The following CERS1 variants were observed in gnomAD, a reference collection of about 807,000 sequenced individuals.
The protein encoded by CERS1 is ceramide synthase 1.
In CERS1, 16 loss-of-function variants were observed where a neutral mutation model predicts 35.7. The observed-to-expected ratio is 0.45, with a 90% CI of 0.30 to 0.68. CERS1 has a LOEUF of 0.68. Among genes scored for constraint, CERS1 ranks in the 30% least tolerant of loss-of-function variants. The pLI, the probability that CERS1 is intolerant of heterozygous loss-of-function variation, is 0.08. For synonymous variants in CERS1, 243 were observed against 201.6 expected (o/e 1.21, Z -1.74); for missense variants, 454 against 453.9 (o/e 1.00, Z 0.00).
chr19:18,895,965 G>A lies in CERS1; in HGVS notation c.108C>T (p.Gly36=), dbSNP rs2056616600. 2 of 1,068,230 alleles carry A rather than the reference G, an allele frequency of 1.9e-6. No individual in the cohort carries two copies. The highest frequency in any genetic ancestry group is 2.3e-6 in the Non-Finnish European group (2 of 883,256). 66.2% of individuals were successfully genotyped at this position (1,068,230 alleles called of 1,614,324 possible). A position where few individuals can be genotyped will look rare whatever the true frequency, so the allele number is the denominator to read the frequency against. Residue 36 remains glycine (G), a synonymous_variant, in exon 1 of 8, where the codon GGC becomes GGT. Transcript: ENST00000623882. This position sits in a 1 kb window ranked among gnomAD's most constrained non-coding sequence, Gnocchi z 6.4. Reference sequence around the variant, plus strand: ...CCAGCCCCCAGCCGCAGTCCGTGCAGCCCCGCGCCGCCGCCAGCGCGCTGC... The same window carrying A: ...CCAGCCCCCAGCCGCAGTCCGTGCAACCCCGCGCCGCCGCCAGCGCGCTGC... ...GWGSALAAAR[G]CTDCGWGLAR...
intron 2 of CERS1, among the ~76,000 whole-genome samples, chr19:18,892,819 T>C (rs2056525260): frequency 6.6e-6 from 1 of 151,986 alleles, no homozygotes. Flanking sequence ...GATACCCCCT[T>C]TCCTGTCCCC....
In CERS1 at chr19:18,880,386, C is replaced by T. The variant is rs762521568; in HGVS notation, c.640G>A (p.Val214Met). 3 of 1,582,994 alleles carry T rather than the reference C, an allele frequency of 1.9e-6. No individual in the cohort carries two copies. Among genetic ancestry groups the T allele is most frequent in the Admixed American group, 1.8e-5 (1 of 55,088 alleles). The change falls in exon 4 of 8, where the codon GTG (valine) becomes ATG (methionine). Residue 214 changes from valine to methionine, a missense_variant. Coordinates refer to ENST00000623882, the MANE Select transcript of CERS1 (RefSeq NM_021267.5). The part of the protein sequence containing the change: ...LVLFLHDISD[V>M]QLEFTKLNIY... Reference sequence around the variant, plus strand: ...TTGAGCTTGGTGAACTCAAGCTGCACGTCACTGATATCGTGCAGGAAGAGC... The same window carrying T: ...TTGAGCTTGGTGAACTCAAGCTGCATGTCACTGATATCGTGCAGGAAGAGC...
At chr19:18,873,211 T>C (rs2056005492) in intron 6 of CERS1, among the ~76,000 whole-genome samples, 1 of 152,122 alleles carries the variant, frequency 6.6e-6, no homozygotes, top group African/African-American at 2.4e-5. Context: ...AATTGGGGGC[T>C]GATTTGAGAT....
At chr19:18,890,783 GAAA>G (rs35488506) in intron 2 of CERS1, among the ~76,000 whole-genome samples, 1 of 99,766 alleles carries the variant, frequency 1.0e-5, no homozygotes, top group Non-Finnish European at 1.9e-5. Context: ...CGCGTCTGGG[GAAA>G]AAAAAAAAAA....
chr19:18,886,461 A>G (rs1174583165), intron 2 of CERS1, among the ~76,000 whole-genome samples: 1 of 152,020 alleles, frequency 6.6e-6, no homozygotes, highest in Non-Finnish European at 1.5e-5. Flanking sequence ...AGGTGGGAGG[A>G]TCACTTGAGT....
rs537524649 is a variant in CERS1 at position 18,868,697 on chromosome 19, G to C, written c.*1288C>G. The stretch of plus-strand genomic sequence containing the variant: ...GAGCACGGAGATGGGCGACAGGCGC[G>C]CGGGCACGCAGCAGGGCAGGTCGGC... On this transcript the variant is annotated 3_prime_UTR_variant, in exon 8 of 8. Transcript: ENST00000623882. 1.6e-5 allele frequency: 25 copies of C among 1,557,572 alleles called. No homozygotes were observed. The highest frequency in any genetic ancestry group is 1.3e-4 in the Admixed American group (7 of 52,324).
intron 4 of CERS1, 90 bp downstream of exon 4, chr19:18,880,184 T>A: frequency 3.2e-6 from 4 of 1,235,016 alleles, no homozygotes; most frequent in Middle Eastern, 3.1e-4. Flanking sequence ...GGGCCCCGCC[T>A]CCTTCCCTGC....
Position 18,881,297 on chromosome 19 carries a change from G to A in CERS1, c.591-862C>T, listed in dbSNP as rs182070949. 4.1e-4 allele frequency among the ~76,000 whole-genome samples: 62 copies of A among 149,876 alleles called. 1 individual carries two copies. The East Asian group carries it at 5.7e-3, about 14-fold the overall frequency. Reference sequence around the variant, plus strand: ...CGCAATGGCACGATCTCAGCTCACCGCAACCTCCACCTCCCGGGTTCAAGC... The same window carrying A: ...CGCAATGGCACGATCTCAGCTCACCACAACCTCCACCTCCCGGGTTCAAGC... On this transcript the variant is annotated intron_variant, in intron 3 of 7. Coordinates refer to ENST00000623882, the MANE Select transcript of CERS1 (RefSeq NM_021267.5).
At chr19:18,887,645 G>A (rs531179679) in intron 2 of CERS1, among the ~76,000 whole-genome samples, 6 of 151,426 alleles carry the variant, frequency 4.0e-5, no homozygotes, top group Non-Finnish European at 8.8e-5. Flanking sequence ...CTCGAAGGCT[G>A]AGGCAGGAGC....
chr19:18,885,560 C>T (rs1165129093), intron 2 of CERS1, among the ~76,000 whole-genome samples: 2 of 139,152 alleles, frequency 1.4e-5, no homozygotes, highest in African/African-American at 5.5e-5. Flanking sequence ...TGCTCTGTAG[C>T]CCAGGCTGGA....
rs536565011 is a variant in CERS1, at chr19:18,885,161, G to A, written c.410-894C>T. Among the ~76,000 whole-genome samples, 3 of 152,232 alleles carry A rather than the reference G, an allele frequency of 2.0e-5. No individual in the cohort carries two copies. In the South Asian group the frequency reaches 6.2e-4, roughly 32 times the overall value. On this transcript the variant is annotated intron_variant, in intron 2 of 7. Coordinates refer to ENST00000623882, the MANE Select transcript of CERS1 (RefSeq NM_021267.5). ...AAGTGGTATATTTGCTACAAATGCT[G>A]AACTAATATAGACACATTATTATCA...
chr19:18,890,520 G>A (rs1419096649), intron 2 of CERS1, among the ~76,000 whole-genome samples: 2 of 152,176 alleles, frequency 1.3e-5, no homozygotes, highest in Non-Finnish European at 2.9e-5. Context: ...GCTCATGCCT[G>A]TAATCCCACC....
intron 2 of CERS1, among the ~76,000 whole-genome samples, chr19:18,885,668 C>T (rs972367411): frequency 4.6e-5 from 7 of 151,658 alleles, no homozygotes; most frequent in Non-Finnish European, 7.4e-5. Context: ...TACAGGCACC[C>T]ACCACCATGC....
chr19:18,893,412 C>T lies in CERS1; in HGVS notation c.409+4G>A, dbSNP rs2056544314. On this transcript the variant is annotated splice_donor_region_variant and intron_variant, in intron 2 of 7. Coordinates refer to ENST00000623882, the MANE Select transcript of CERS1 (RefSeq NM_021267.5). ...CCTCCCGGCCATCCCCTCAGGGCCC[C>T]TACCGTAGAAGACAGATGGTGGGTC... 6.3e-7 allele frequency: 1 copy of T among 1,599,954 alleles called. No homozygotes were observed. The highest frequency in any genetic ancestry group is 2.3e-5 in the East Asian group (1 of 44,230).
intron 2 of CERS1, among the ~76,000 whole-genome samples, chr19:18,888,842 C>A (rs562674786): frequency 1.3e-5 from 2 of 150,546 alleles, no homozygotes; most frequent in Non-Finnish European, 3.0e-5. Context: ...AAAAAACAAA[C>A]AACAAACAAA....
intron 2 of CERS1, among the ~76,000 whole-genome samples, chr19:18,889,399 G>A (rs1601184704): frequency 6.6e-6 from 1 of 151,934 alleles, no homozygotes; most frequent in African/African-American, 2.4e-5. Context: ...TCCTGGCTTA[G>A]TTCAGAGGTC....
chr19:18,870,602 C>G lies in CERS1; in HGVS notation c.1028G>C (p.Gly343Ala). 1.7e-6 allele frequency: 1 copy of G among 585,828 alleles called. No individual in the cohort carries two copies. The highest frequency in any genetic ancestry group is 3.1e-6 in the Non-Finnish European group (1 of 323,358). 36.3% of individuals were successfully genotyped at this position (585,828 alleles called of 1,614,324 possible). A position where few individuals can be genotyped will look rare whatever the true frequency, so the allele number is the denominator to read the frequency against. The change falls in exon 7 of 8, where the codon GGC becomes GCC. Residue 343 changes from glycine (G) to alanine (A), a missense_variant. Transcript: ENST00000623882. The surrounding 1 kb of genome is among the most constrained non-coding windows in gnomAD (Gnocchi z 5.1). ...PSKAEKPLRNGLVKDKRF is the reference protein window; with the variant it reads ...PSKAEKPLRNALVKDKRF ...TCAGAAGCGCTTGTCCTTCACCAGG[C>G]CGTTCCTCAGTGGCTTCCTGGGGGT...
In CERS1 at chr19:18,869,234, C is replaced by T; in HGVS notation, c.*751G>A. On this transcript the variant is annotated 3_prime_UTR_variant, in exon 8 of 8. Coordinates refer to ENST00000623882, the MANE Select transcript of CERS1 (RefSeq NM_021267.5). ...TTGCGCCACGCTCAGCTCCCAGCCG[C>T]CCTCCGGGGCTGCCGCCGCCGCCGC... The T allele has an allele frequency of 7.2e-7, 1 of 1,396,748 alleles. No homozygotes were observed. The highest frequency in any genetic ancestry group is 9.2e-7 in the Non-Finnish European group (1 of 1,087,140). The allele number at this position is 1,396,748 out of a possible 1,614,324, so 86.5% of individuals were successfully genotyped here. A position where few individuals can be genotyped will look rare whatever the true frequency, so the allele number is the denominator to read the frequency against.
Position 18,878,151 on chromosome 19 carries a change from G to T in CERS1, c.1010+779C>A. 1.0e-6 allele frequency: 1 copy of T among 985,508 alleles called. No individual in the cohort carries two copies. The highest frequency in any genetic ancestry group is 1.2e-6 in the Non-Finnish European group (1 of 830,040). 61.0% of individuals were successfully genotyped at this position (985,508 alleles called of 1,614,324 possible). A position where few individuals can be genotyped will look rare whatever the true frequency, so the allele number is the denominator to read the frequency against. Reference sequence around the variant, plus strand: ...TGGCCCCCACCGGCCAAATCAGAGGGCCTGGCTGGTCGGCACCTTCCAGGG... The same window carrying T: ...TGGCCCCCACCGGCCAAATCAGAGGTCCTGGCTGGTCGGCACCTTCCAGGG... On this transcript the variant is annotated intron_variant, in intron 6 of 7. Transcript: ENST00000623882. This position sits in a 1 kb window ranked among gnomAD's most constrained non-coding sequence, Gnocchi z 4.6.
Sources: gnomAD v4.1 joint callset for allele counts (sites outside exome capture counted in the v4.1 genomes callset) on GRCh38, gnomAD v4.1.1 for gene constraint, Gnocchi (gnomAD v3.1) non-coding constraint, MANE v1.5 for transcripts, NCBI Gene and HGNC (gene_info 2026-07-23, HGNC 2026-07-21) for gene names.